OTUD7B: variants seen among roughly 807,000 people sequenced by gnomAD.
OTUD7B encodes the protein OTU deubiquitinase 7B.
A neutral mutation model predicts 82.2 loss-of-function variants in OTUD7B; 34 were observed. That is an observed-to-expected ratio of 0.41 (90% CI 0.31 to 0.55). OTUD7B has a LOEUF of 0.55. Ranked by LOEUF, OTUD7B falls within the 20% of genes least tolerant of loss-of-function variation. OTUD7B has a pLI of 0.20. For missense variants in OTUD7B, 944 were observed against 1,062.1 expected, an observed-to-expected ratio of 0.89 and a Z score of 1.55; for synonymous variants, 398 against 402.7, an observed-to-expected ratio of 0.99 and a Z score of 0.14.
chr1:149,992,468 T>TTTTG (rs1651643717), intron 1 of OTUD7B, among the ~76,000 whole-genome samples: 2 of 1,128 alleles, frequency 1.8e-3, no homozygotes, highest in East Asian at 0.1. Context: ...TGTGCATGTG[T>TTTTG]TTTTTTTTTT....
At chr1:149,967,018 A>G (rs1649559100) in intron 4 of OTUD7B, among the ~76,000 whole-genome samples, 1 of 150,714 alleles carries the variant, frequency 6.6e-6, no homozygotes, top group Non-Finnish European at 1.5e-5. Context: ...AATTATAATT[A>G]GTTGTATTTT....
In OTUD7B at chr1:149,965,871, C is replaced by T. The variant is rs1335342173; in HGVS notation, c.510G>A (p.Leu170=). The part of the protein sequence containing the change: ...MLVALEQAGR[L]NWWVSVDPTS... ...TGGGATCCACACTCACCCACCAGTT[C>T]AAACGCCCTGTAGAAACAAGATAGT... is the stretch of plus-strand genomic sequence containing the variant. The change falls in exon 5 of 12, where the codon TTG becomes TTA. Residue 170 remains leucine, a synonymous_variant. Transcript: ENST00000581312. 1 of 1,613,382 alleles carries T rather than the reference C, an allele frequency of 6.2e-7. No individual in the cohort carries two copies. Among genetic ancestry groups the T allele is most frequent in the African/African-American group, 1.3e-5 (1 of 74,920 alleles).
At chr1:150,023,857 T>C in the OTUD7B span, among the ~76,000 whole-genome samples, 1 of 152,214 alleles carries the variant, frequency 6.6e-6, no homozygotes, top group Non-Finnish European at 1.5e-5. Flanking sequence ...TCTTTCTACA[T>C]GTATACATAT....
upstream of OTUD7B, among the ~76,000 whole-genome samples, chr1:150,013,055 G>A (rs1413704798): frequency 6.6e-6 from 1 of 152,212 alleles, no homozygotes; most frequent in African/African-American, 2.4e-5. Flanking sequence ...AGAGGCAGCT[G>A]TTTAATGTAG....
the OTUD7B span, among the ~76,000 whole-genome samples, chr1:150,057,199 AAAC>A: frequency 0.021 from 3,272 of 152,326 alleles, 95 homozygotes; most frequent in African/African-American, 0.074. Context: ...ATATTCTACG[AAAC>A]AACTGACCAG....
intron 1 of OTUD7B, among the ~76,000 whole-genome samples, chr1:149,986,237 TCACA>T (rs34962941): frequency 2.1e-3 from 289 of 136,532 alleles, no homozygotes; most frequent in Middle Eastern, 7.4e-3. Flanking sequence ...TGGTACCCCA[TCACA>T]CACACACACA....
rs587595921 is a variant in OTUD7B, at chr1:149,938,180, A to T, written c.*5677T>A. On this transcript the variant is annotated 3_prime_UTR_variant, in exon 12 of 12. Coordinates refer to ENST00000581312, the MANE Select transcript of OTUD7B (RefSeq NM_020205.4). ...GGTCTGTTGTAAAAAGAAAATAGGG[A>T]CCAGGCGCAGTGGCTCACGCCTGTA... is the stretch of plus-strand genomic sequence containing the variant. The T allele has an allele frequency of 6.6e-6, 1 of 152,316 alleles. No individual in the cohort carries two copies. The highest frequency in any genetic ancestry group is 6.5e-5 in the Admixed American group (1 of 15,290). 9.4% of individuals were successfully genotyped at this position (152,316 alleles called of 1,614,324 possible). A position where few individuals can be genotyped will look rare whatever the true frequency, so the allele number is the denominator to read the frequency against.
chr1:150,030,460 C>T, the OTUD7B span, among the ~76,000 whole-genome samples: 1 of 152,212 alleles, frequency 6.6e-6, no homozygotes, highest in Non-Finnish European at 1.5e-5. Flanking sequence ...CTTCTGCTTC[C>T]TCAGGGAATT....
intron 1 of OTUD7B, among the ~76,000 whole-genome samples, chr1:150,007,236 T>A (rs1385311591): frequency 6.6e-6 from 1 of 152,206 alleles, no homozygotes; most frequent in Non-Finnish European, 1.5e-5. Context: ...ATGCTCACAT[T>A]TTACAGATAA....
intron 1 of OTUD7B, among the ~76,000 whole-genome samples, chr1:149,980,442 C>T (rs781790770): frequency 6.6e-5 from 10 of 151,572 alleles, no homozygotes; most frequent in South Asian, 2.1e-4. Flanking sequence ...GTGTTTGGGC[C>T]GGGCACAGTG....
chr1:150,057,197 C>T, the OTUD7B span, among the ~76,000 whole-genome samples: 34 of 151,786 alleles, frequency 2.2e-4, no homozygotes, highest in Middle Eastern at 0.014. Flanking sequence ...GGATATTCTA[C>T]GAAACAACTG....
intron 7 of OTUD7B, 105 bp from the exon 8 acceptor site, chr1:149,950,326 T>C (rs1217714913): frequency 1.9e-5 from 22 of 1,159,766 alleles, no homozygotes; most frequent in Non-Finnish European, 2.1e-5. Context: ...AAGAAGAATG[T>C]CCTTTCCTGG....
At chr1:150,033,641 G>A in the OTUD7B span, among the ~76,000 whole-genome samples, 12 of 152,028 alleles carry the variant, frequency 7.9e-5, no homozygotes, top group Non-Finnish European at 1.3e-4. Context: ...TTTAAGCACC[G>A]TAGCAAGCAT....
chr1:149,960,824 G>A (rs782249137), intron 6 of OTUD7B: 7 of 151,152 alleles, frequency 4.6e-5, no homozygotes, highest in Admixed American at 4.6e-4. Flanking sequence ...TCCTACCTTA[G>A]TGAATAGCAC....
the OTUD7B span, among the ~76,000 whole-genome samples, chr1:150,038,177 A>T: frequency 6.6e-6 from 1 of 151,850 alleles, no homozygotes; most frequent in Non-Finnish European, 1.5e-5. Context: ...GCTGTAATCC[A>T]TTTATCCTAA....
At chr1:150,030,429 T>C in the OTUD7B span, among the ~76,000 whole-genome samples, 1 of 152,212 alleles carries the variant, frequency 6.6e-6, no homozygotes, top group Admixed American at 6.5e-5. Flanking sequence ...CATTCCCCGT[T>C]ATTGTTCATA....
chr1:150,050,870 T>C, the OTUD7B span, among the ~76,000 whole-genome samples: 1 of 150,462 alleles, frequency 6.6e-6, no homozygotes, highest in African/African-American at 2.4e-5. Context: ...AATAAACAGT[T>C]CTATGAAATT....
the OTUD7B span, among the ~76,000 whole-genome samples, chr1:150,060,815 A>T: frequency 1.3e-5 from 2 of 152,194 alleles, no homozygotes; most frequent in Non-Finnish European, 2.9e-5. Flanking sequence ...TAGTTGAAGC[A>T]CCTATGCTCT....
At chr1:149,957,746 T>A (rs1553774855) in intron 7 of OTUD7B, among the ~76,000 whole-genome samples, 1 of 152,040 alleles carries the variant, frequency 6.6e-6, no homozygotes, top group East Asian at 1.9e-4. Flanking sequence ...CGGACGCCCC[T>A]CTCCCAGCCT....
Sources: allele counts gnomAD v4.1 joint callset (sites outside exome capture counted in the v4.1 genomes callset), GRCh38; gene constraint gnomAD v4.1.1; transcripts MANE v1.5; gene names NCBI Gene and HGNC (gene_info 2026-07-23, HGNC 2026-07-21).